Variants in CADM2 observed in about 807,000 individuals in gnomAD.
CADM2 encodes the protein immunoglobulin superfamily member 4D.
CADM2 carries 12 observed loss-of-function variants against 49.8 expected under a neutral mutation model. The ratio of observed to expected loss-of-function variants is 0.24; its 90% CI spans 0.15 to 0.39. The LOEUF (loss-of-function observed/expected upper bound fraction) is 0.39. Ranked by LOEUF, CADM2 falls within the 10% of genes least tolerant of loss-of-function variation. The probability of loss-of-function intolerance (pLI) is 1.00; values close to 1 mark genes in which losing one functional copy is unlikely to be tolerated. For missense variants in CADM2, 378 were observed against 492.3 expected, an observed-to-expected ratio of 0.77 and a Z score of 2.20; for synonymous variants, 214 against 175.4, an observed-to-expected ratio of 1.22 and a Z score of -1.74.
chr3:85,394,530 A>G (rs2034674627), intron 1 of CADM2, among the ~76,000 whole-genome samples: 1 of 152,186 alleles, frequency 6.6e-6, no homozygotes, highest in Non-Finnish European at 1.5e-5. Flanking sequence ...TGTAAAAGCA[A>G]TAACTCCTCT....
chr3:85,080,466 A>G (rs1301204212), intron 1 of CADM2, among the ~76,000 whole-genome samples: 1 of 152,078 alleles, frequency 6.6e-6, no homozygotes, highest in Non-Finnish European at 1.5e-5. Flanking sequence ...TTCAATTGTC[A>G]TAGACATCAG....
intron 7 of CADM2, among the ~76,000 whole-genome samples, chr3:85,958,580 T>A (rs1246839685): frequency 6.6e-6 from 1 of 151,996 alleles, no homozygotes; most frequent in East Asian, 1.9e-4. Context: ...ATCATTCTAA[T>A]GTAAAGACAC....
chr3:86,045,071 G>C (rs113750443), intron 8 of CADM2, among the ~76,000 whole-genome samples: 114 of 150,294 alleles, frequency 7.6e-4, no homozygotes, highest in Admixed American at 5.0e-3. Flanking sequence ...GTGGTGGGAG[G>C]GGGGAGGGAT....
At chr3:85,141,019 T>C (rs893956564) in intron 1 of CADM2, among the ~76,000 whole-genome samples, 2 of 152,190 alleles carry the variant, frequency 1.3e-5, no homozygotes, top group African/African-American at 2.4e-5. Flanking sequence ...ACAATGAAGG[T>C]AAATTTAGTC....
At chr3:85,558,162 A>G (rs771837173) in intron 1 of CADM2, among the ~76,000 whole-genome samples, 1 of 151,892 alleles carries the variant, frequency 6.6e-6, no homozygotes, top group Non-Finnish European at 1.5e-5. Flanking sequence ...TTGTTTCTCA[A>G]TCCACAGACT....
intron 1 of CADM2, among the ~76,000 whole-genome samples, chr3:85,471,195 C>A (rs116491904): frequency 6.6e-6 from 1 of 152,074 alleles, no homozygotes; most frequent in Non-Finnish European, 1.5e-5. Context: ...CTCAGGGATC[C>A]AGGTTTCATC....
At chr3:85,032,213 T>G (rs1559626365) in intron 1 of CADM2, among the ~76,000 whole-genome samples, 1 of 119,398 alleles carries the variant, frequency 8.4e-6, no homozygotes, top group Non-Finnish European at 1.8e-5. Context: ...TCCCAGTTAC[T>G]GGTTTTTTTT....
chr3:84,977,067 A>G (rs2107118920), intron 1 of CADM2, among the ~76,000 whole-genome samples: 1 of 152,126 alleles, frequency 6.6e-6, no homozygotes, highest in East Asian at 1.9e-4. Flanking sequence ...GCCAGAAAAG[A>G]GACTATGCTG....
chr3:85,362,484 A>T (rs958979556), intron 1 of CADM2, among the ~76,000 whole-genome samples: 12 of 152,196 alleles, frequency 7.9e-5, no homozygotes, highest in African/African-American at 2.9e-4. Context: ...GTGCTATATA[A>T]ACACATCTGT....
At chr3:85,401,697 T>C (rs2035118624) in intron 1 of CADM2, among the ~76,000 whole-genome samples, 1 of 152,128 alleles carries the variant, frequency 6.6e-6, no homozygotes, top group South Asian at 2.1e-4. Context: ...GGAGGGACCC[T>C]GTAGTCCTCT....
At chr3:85,790,385 G>A (rs1463137622) in intron 2 of CADM2, among the ~76,000 whole-genome samples, 1 of 152,176 alleles carries the variant, frequency 6.6e-6, no homozygotes, top group Non-Finnish European at 1.5e-5. Context: ...TACTGTATAG[G>A]TAAACTGGAA....
intron 1 of CADM2, among the ~76,000 whole-genome samples, chr3:85,071,466 C>T (rs1404572439): frequency 6.6e-6 from 1 of 152,106 alleles, no homozygotes; most frequent in Non-Finnish European, 1.5e-5. Flanking sequence ...TTAGTATTAA[C>T]TTACAAGTAG....
At chr3:85,705,518 T>A (rs2066917212) in intron 1 of CADM2, among the ~76,000 whole-genome samples, 1 of 152,190 alleles carries the variant, frequency 6.6e-6, no homozygotes, top group Non-Finnish European at 1.5e-5. Flanking sequence ...ATAGACAATT[T>A]TAATAAAAGT....
intron 1 of CADM2, among the ~76,000 whole-genome samples, chr3:85,479,097 TC>T (rs1373667079): frequency 2.0e-5 from 3 of 151,710 alleles, no homozygotes; most frequent in African/African-American, 7.3e-5. Context: ...GCATGCAACA[TC>T]ATGCCTGGCT....
At chr3:85,927,504 T>A (rs1212054731) in intron 6 of CADM2, among the ~76,000 whole-genome samples, 1 of 152,208 alleles carries the variant, frequency 6.6e-6, no homozygotes, top group South Asian at 2.1e-4. Flanking sequence ...CACTCTTCTT[T>A]GTGTGTCTTA....
At chr3:85,557,812 C>A (rs67277278) in intron 1 of CADM2, among the ~76,000 whole-genome samples, 77,837 of 151,872 alleles carry the variant, frequency 0.51, 23,026 homozygotes, top group East Asian at 0.85. Context: ...CAGTTCTGAT[C>A]CTGTGCCCTA....
chr3:85,800,163 C>A (rs1158513611), intron 2 of CADM2: 2 of 152,228 alleles, frequency 1.3e-5, no homozygotes, highest in Admixed American at 6.6e-5. Flanking sequence ...GTCTGAACTT[C>A]CTGGAGGCTT....
intron 1 of CADM2, among the ~76,000 whole-genome samples, chr3:85,611,430 A>T (rs2063679759): frequency 6.6e-6 from 1 of 151,896 alleles, no homozygotes; most frequent in African/African-American, 2.4e-5. Context: ...GGGTTAGTTG[A>T]GCACCTGTTT....
intron 1 of CADM2, among the ~76,000 whole-genome samples, chr3:85,342,862 T>G (rs553266827): frequency 1.6e-4 from 24 of 152,168 alleles, no homozygotes; most frequent in Non-Finnish European, 1.0e-4. Context: ...AAAGCACCGC[T>G]TTCCTACTAA....
Sources: gnomAD v4.1 joint callset for allele counts (sites outside exome capture counted in the v4.1 genomes callset) on GRCh38, gnomAD v4.1.1 for gene constraint, MANE v1.5 for transcripts, NCBI Gene and HGNC (gene_info 2026-07-23, HGNC 2026-07-21) for gene names.